Variants in CDK13 observed in about 807,000 individuals in gnomAD.
CDK13 encodes cyclin-dependent kinase 13.
Under a neutral mutation model 137.6 loss-of-function variants are expected in CDK13, and 40 were observed. That is an observed-to-expected ratio of 0.29 (90% CI 0.23 to 0.38). The LOEUF (loss-of-function observed/expected upper bound fraction) is 0.38, where lower values mean the gene tolerates loss of function less well. Among genes scored for constraint, CDK13 ranks in the 10% least tolerant of loss-of-function variants. The pLI is 1.00. For missense variants in CDK13, 1,704 were observed against 1,951.8 expected (o/e 0.87, Z 2.39); for synonymous variants, 869 against 760.1 (o/e 1.14, Z -2.36).
intron 9 of CDK13, among the ~76,000 whole-genome samples, chr7:40,074,908 A>G (rs972455618): frequency 6.6e-6 from 1 of 152,202 alleles, no homozygotes; most frequent in Non-Finnish European, 1.5e-5. Context: ...AAATAAATAA[A>G]TAAAGGAAAG....
intron 7 of CDK13, among the ~76,000 whole-genome samples, chr7:40,060,586 G>A (rs542078168): frequency 6.6e-6 from 1 of 152,254 alleles, no homozygotes; most frequent in South Asian, 2.1e-4. Context: ...AGAATGTTAC[G>A]AGGTTTTTTA....
At chr7:40,047,931 T>A in intron 7 of CDK13, 54 bp downstream of exon 7, 1 of 1,096,326 alleles carries the variant, frequency 9.1e-7, no homozygotes, top group Non-Finnish European at 1.4e-6. Flanking sequence ...TATTAGAAGC[T>A]ATACTAAGAA....
chr7:40,089,456 G>A (rs1006656980), intron 12 of CDK13, among the ~76,000 whole-genome samples: 2 of 147,786 alleles, frequency 1.4e-5, no homozygotes, highest in Non-Finnish European at 3.0e-5. Flanking sequence ...AAAAAAAAAG[G>A]ATATCTTATA....
At chr7:39,976,900 A>G (rs1050784435) in intron 1 of CDK13, among the ~76,000 whole-genome samples, 3 of 152,124 alleles carry the variant, frequency 2.0e-5, no homozygotes, top group African/African-American at 7.2e-5. Context: ...AAAACACTGA[A>G]TTATGCTAGG....
chr7:40,035,273 T>G (rs1054266649), intron 5 of CDK13, among the ~76,000 whole-genome samples: 18 of 152,190 alleles, frequency 1.2e-4, no homozygotes, highest in African/African-American at 4.3e-4. Flanking sequence ...ACCTACTCAA[T>G]TGATTGCATG....
At chr7:40,003,930 A>G (rs545908489) in intron 5 of CDK13, among the ~76,000 whole-genome samples, 61 of 152,188 alleles carry the variant, frequency 4.0e-4, no homozygotes, top group Non-Finnish European at 7.5e-4. Context: ...CCCACTTTCT[A>G]CTACGTATAG....
rs1787022655 is a variant in CDK13, at chr7:40,095,181, G to A, written c.*201G>A. On this transcript the variant is annotated 3_prime_UTR_variant, in exon 14 of 14. Transcript: ENST00000181839. ...TTCATGCTGTTCTAAAAACTAGATC[G>A]ATTGTACATCTTCACAAATTCTAGT... 5 of 385,460 alleles carry A rather than the reference G, an allele frequency of 1.3e-5. No homozygotes were observed. The highest frequency in any genetic ancestry group is 4.6e-5 in the Admixed American group (1 of 21,864). 23.9% of individuals were successfully genotyped at this position (385,460 alleles called of 1,614,324 possible). A position where few individuals can be genotyped will look rare whatever the true frequency, so the allele number is the denominator to read the frequency against.
At chr7:40,033,925 T>C (rs1238107270) in intron 5 of CDK13, among the ~76,000 whole-genome samples, 2 of 152,176 alleles carry the variant, frequency 1.3e-5, no homozygotes, top group Non-Finnish European at 2.9e-5. Context: ...GCTAGAATGC[T>C]CTGGAGTTGA....
intron 5 of CDK13, among the ~76,000 whole-genome samples, chr7:40,037,753 T>G (rs1785516576): frequency 6.6e-6 from 1 of 152,258 alleles, no homozygotes; most frequent in Non-Finnish European, 1.5e-5. Flanking sequence ...TCCTAAAATA[T>G]TAACATAGCT....
intron 5 of CDK13, among the ~76,000 whole-genome samples, chr7:40,042,461 T>C (rs1785629097): frequency 6.8e-6 from 1 of 147,320 alleles, no homozygotes; most frequent in African/African-American, 2.5e-5. Flanking sequence ...CTCCAGTTTG[T>C]CCTTTTCTTT....
At chr7:39,991,028 A>T (rs1407486714) in intron 2 of CDK13, among the ~76,000 whole-genome samples, 1 of 152,230 alleles carries the variant, frequency 6.6e-6, no homozygotes, top group African/African-American at 2.4e-5. Context: ...GCTTCATTTG[A>T]AAAGGATTGG....
chr7:40,032,695 G>C (rs1265046313), intron 5 of CDK13, among the ~76,000 whole-genome samples: 1 of 151,106 alleles, frequency 6.6e-6, no homozygotes, highest in African/African-American at 2.4e-5. Flanking sequence ...TCAGTTGACT[G>C]TTTTTTTAAT....
chr7:39,964,999 T>C (rs1783835669), intron 1 of CDK13, among the ~76,000 whole-genome samples: 1 of 152,234 alleles, frequency 6.6e-6, no homozygotes, highest in Non-Finnish European at 1.5e-5. Flanking sequence ...CAGTTTGTTA[T>C]AATTTCTGTT....
intron 1 of CDK13, among the ~76,000 whole-genome samples, chr7:39,953,793 A>G (rs1196386188): frequency 6.6e-6 from 1 of 152,206 alleles, no homozygotes; most frequent in African/African-American, 2.4e-5. Context: ...CATTGCTGAC[A>G]GATGGCCATT....
Position 39,988,027 on chromosome 7 carries a change from A to C in CDK13, c.1640A>C (p.Lys547Thr). The change falls in exon 2 of 14, where the codon AAG (lysine) becomes ACG (threonine). Residue 547 changes from lysine (K) to threonine (T), a missense_variant. Coordinates refer to ENST00000181839, the MANE Select transcript of CDK13 (RefSeq NM_003718.5). ...AKTKPPLQVT[K>T]VENNLIVDKA... ...ACAAAGCCACCTCTTCAGGTAACGA[A>C]GGTGGAAAATAATTTGATTGTAGAT... is the stretch of plus-strand genomic sequence containing the variant. 2 of 1,614,192 alleles carry C rather than the reference A, an allele frequency of 1.2e-6. No homozygotes were observed. The highest frequency in any genetic ancestry group is 1.7e-6 in the Non-Finnish European group (2 of 1,180,010).
chr7:40,053,631 C>G (rs1373660627), intron 7 of CDK13, among the ~76,000 whole-genome samples: 1 of 152,096 alleles, frequency 6.6e-6, no homozygotes, highest in Non-Finnish European at 1.5e-5. Context: ...GCCCTACCGC[C>G]TTTGAAATCT....
At position 39,951,146 on chromosome 7, in the gene CDK13, A is replaced by G. The variant is rs2116056085; in HGVS notation, c.505A>G (p.Thr169Ala). The change falls in exon 1 of 14, where the codon ACG (threonine) becomes GCG (alanine). Residue 169 changes from threonine to alanine, a missense_variant. Physicochemically the swap from Thr to Ala is moderately conservative, Grantham distance 58. Coordinates refer to ENST00000181839, the MANE Select transcript of CDK13 (RefSeq NM_003718.5). ...LGGASAATAATAAGGTGGSGG... is the reference protein window; with the variant it reads ...LGGASAATAAAAAGGTGGSGG... ...GGGGGCCAGCGCGGCAACGGCGGCG[A>G]CGGCTGCCGGGGGAACGGGGGGCAG... is the stretch of plus-strand genomic sequence containing the variant. 1 of 1,241,860 alleles carries G rather than the reference A, an allele frequency of 8.1e-7. No individual in the cohort carries two copies. Among genetic ancestry groups the G allele is most frequent in the Admixed American group, 4.2e-5 (1 of 23,656 alleles). The allele number at this position is 1,241,860 out of a possible 1,614,324, so 76.9% of individuals were successfully genotyped here. A position where few individuals can be genotyped will look rare whatever the true frequency, so the allele number is the denominator to read the frequency against.
In CDK13 at chr7:39,997,484, T is replaced by G. The variant is rs1210592808; in HGVS notation, c.1872-10T>G. 1 of 1,585,300 alleles carries G rather than the reference T, an allele frequency of 6.3e-7. No individual in the cohort carries two copies. Among genetic ancestry groups the G allele is most frequent in the South Asian group, 1.2e-5 (1 of 84,780 alleles). ...TTTTGTTTTATTTGTCTGACTTCTT[T>G]CACTTTCAGCTTACGAGGAAATATT... On this transcript the variant is annotated splice_polypyrimidine_tract_variant and intron_variant, in intron 2 of 13. Coordinates refer to ENST00000181839, the MANE Select transcript of CDK13 (RefSeq NM_003718.5).
At chr7:40,048,737 TAAAC>T (rs1258909190) in intron 7 of CDK13, 2 of 151,672 alleles carry the variant, frequency 1.3e-5, no homozygotes, top group East Asian at 1.9e-4. Context: ...GTTAAAGCAA[TAAAC>T]AAAAACTCTC....
Sources: gnomAD v4.1 joint callset for allele counts (sites outside exome capture counted in the v4.1 genomes callset) on GRCh38, gnomAD v4.1.1 for gene constraint, MANE v1.5 for transcripts, NCBI Gene and HGNC (gene_info 2026-07-23, HGNC 2026-07-21) for gene names.